SUSD1: variants seen among roughly 807,000 people sequenced by gnomAD.
SUSD1 encodes the protein sushi domain-containing protein 1.
SUSD1 carries 65 observed loss-of-function variants against 86.9 expected under a neutral mutation model. The ratio of observed to expected loss-of-function variants is 0.75; its 90% CI spans 0.61 to 0.92. The LOEUF is 0.92. Among genes scored for constraint, SUSD1 ranks in the 40% least tolerant of loss-of-function variants. SUSD1 has a pLI of 0.00. For synonymous variants in SUSD1, 346 were observed against 350.0 expected, an observed-to-expected ratio of 0.99 and a Z score of 0.13; for missense variants, 850 against 929.7, an observed-to-expected ratio of 0.91 and a Z score of 1.11.
At chr9:112,169,408 T>C (rs1211760623) in intron 1 of SUSD1, 1 of 147,820 alleles carries the variant, frequency 6.8e-6, no homozygotes, top group Non-Finnish European at 1.5e-5. Context: ...AAAAAAAAAA[T>C]CAAAAAACAA....
chr9:112,072,880 G>A (rs1370544157), intron 12 of SUSD1, among the ~76,000 whole-genome samples: 1 of 152,244 alleles, frequency 6.6e-6, no homozygotes, highest in Non-Finnish European at 1.5e-5. Flanking sequence ...CTGCTGACCT[G>A]TGGTACAGCT....
At chr9:112,114,059 C>T (rs1256847806) in intron 6 of SUSD1, among the ~76,000 whole-genome samples, 2 of 152,180 alleles carry the variant, frequency 1.3e-5, no homozygotes, top group African/African-American at 4.8e-5. Flanking sequence ...ACAAGTATTA[C>T]AGCTGAGAAA....
intron 2 of SUSD1, among the ~76,000 whole-genome samples, chr9:112,151,433 C>T (rs531243602): frequency 4.9e-4 from 74 of 150,892 alleles, no homozygotes; most frequent in African/African-American, 1.5e-3. Flanking sequence ...CCCATCTCTA[C>T]TAAAAATACA....
intron 15 of SUSD1, among the ~76,000 whole-genome samples, chr9:112,042,839 G>A: frequency 6.6e-6 from 1 of 152,134 alleles, no homozygotes; most frequent in East Asian, 1.9e-4. Flanking sequence ...TAAGAGGAGT[G>A]CATTTCTATT....
At chr9:112,150,231 C>G (rs554278626) in intron 2 of SUSD1, among the ~76,000 whole-genome samples, 1 of 152,300 alleles carries the variant, frequency 6.6e-6, no homozygotes, top group African/African-American at 2.4e-5. Context: ...GGCAGCAGGT[C>G]GAACTTGGCC....
intron 10 of SUSD1, among the ~76,000 whole-genome samples, chr9:112,084,156 C>G (rs998712202): frequency 6.6e-6 from 1 of 151,970 alleles, no homozygotes; most frequent in Non-Finnish European, 1.5e-5. Flanking sequence ...AAATATGCCT[C>G]TGAGAATCAA....
intron 15 of SUSD1, among the ~76,000 whole-genome samples, chr9:112,050,245 G>C (rs1007251975): frequency 1.3e-5 from 2 of 152,194 alleles, no homozygotes; most frequent in African/African-American, 4.8e-5. Flanking sequence ...TCTGCACACA[G>C]AAACAGGACA....
chr9:112,151,731 G>A (rs1295396595), intron 2 of SUSD1, among the ~76,000 whole-genome samples: 6 of 151,080 alleles, frequency 4.0e-5, no homozygotes, highest in Non-Finnish European at 8.8e-5. Flanking sequence ...GTGAAACCCC[G>A]TCTCTACTAA....
chr9:112,052,149 A>G, intron 15 of SUSD1: 2 of 1,430,748 alleles, frequency 1.4e-6, no homozygotes, highest in Non-Finnish European at 1.8e-6. Context: ...AGAAAGTCCC[A>G]CTCACGGTGT....
rs145621147 is a variant in SUSD1 at position 112,100,974 on chromosome 9, T to C, written c.1281+1202A>G. ...TTGTCAAAGCACTCATTATACCATA[T>C]TGTAGTTGCCTATTTACCTATATAT... On this transcript the variant is annotated intron_variant, in intron 9 of 16. Coordinates refer to ENST00000374270, the MANE Select transcript of SUSD1 (RefSeq NM_022486.5). Among the ~76,000 whole-genome samples the C allele has an allele frequency of 3.9e-5, 6 of 152,180 alleles. No homozygotes were observed. In the East Asian group the frequency reaches 1.2e-3, roughly 29 times the overall value.
chr9:112,119,342 G>A (rs1198169794), intron 6 of SUSD1, among the ~76,000 whole-genome samples: 3 of 152,020 alleles, frequency 2.0e-5, no homozygotes, highest in East Asian at 1.9e-4. Context: ...CATTTATTCC[G>A]GCTGACCTTT....
chr9:112,075,227 G>A (rs1829466004), intron 12 of SUSD1, among the ~76,000 whole-genome samples: 1 of 152,144 alleles, frequency 6.6e-6, no homozygotes, highest in African/African-American at 2.4e-5. Flanking sequence ...CTGGTAGCCA[G>A]AATTCATTGC....
At chr9:112,111,905 G>C (rs1349755444) in intron 7 of SUSD1, 65 bp from the exon 8 acceptor site, 3 of 1,522,676 alleles carry the variant, frequency 2.0e-6, no homozygotes, top group Non-Finnish European at 2.7e-6. Flanking sequence ...GATTTGTGGT[G>C]CTGGAGCCCA....
chr9:112,062,347 A>T (rs952610551), intron 13 of SUSD1, among the ~76,000 whole-genome samples: 2 of 152,186 alleles, frequency 1.3e-5, no homozygotes, highest in African/African-American at 4.8e-5. Flanking sequence ...AAAGGAATGG[A>T]TGTAATTTCT....
Position 112,149,411 on chromosome 9 carries a change from C to G in SUSD1, c.218-12G>C. ...GCACTCATTTTTATCTGTTGACACA[C>G]AGACAAGGCACCGGAAGAGCTATCA... On this transcript the variant is annotated splice_polypyrimidine_tract_variant and intron_variant, in intron 2 of 16. Coordinates refer to ENST00000374270, the MANE Select transcript of SUSD1 (RefSeq NM_022486.5). 1 of 1,612,966 alleles carries G rather than the reference C, an allele frequency of 6.2e-7. No homozygotes were observed. Among genetic ancestry groups the G allele is most frequent in the South Asian group, 1.1e-5 (1 of 90,960 alleles).
intron 5 of SUSD1, among the ~76,000 whole-genome samples, chr9:112,141,788 C>T (rs914828190): frequency 7.2e-6 from 1 of 139,336 alleles, no homozygotes; most frequent in Non-Finnish European, 1.5e-5. Flanking sequence ...TAATATATTA[C>T]ATATATTGTA....
intron 11 of SUSD1, 25 bp from the exon 12 acceptor site, chr9:112,078,749 G>A (rs952967796): frequency 1.2e-6 from 2 of 1,601,516 alleles, no homozygotes; most frequent in East Asian, 2.2e-5. Flanking sequence ...AGCTCACTGG[G>A]TGAATGGTTG....
chr9:112,066,717 C>T (rs775780735), intron 12 of SUSD1, among the ~76,000 whole-genome samples: 1 of 152,104 alleles, frequency 6.6e-6, no homozygotes, highest in African/African-American at 2.4e-5. Flanking sequence ...CTGTGGAGAG[C>T]GGCCCTTCTC....
intron 2 of SUSD1, among the ~76,000 whole-genome samples, chr9:112,152,751 C>CTTTTTTTTTTTTTTTT (rs71382410): frequency 2.3e-5 from 2 of 87,478 alleles, no homozygotes; most frequent in Non-Finnish European, 4.2e-5. Flanking sequence ...TTTTTTTAAT[C>CTTTTTTTTTTTTTTTT]TTTTTTTTTT....
Sources: gnomAD v4.1 joint callset for allele counts (sites outside exome capture counted in the v4.1 genomes callset) on GRCh38, gnomAD v4.1.1 for gene constraint, MANE v1.5 for transcripts, NCBI Gene and HGNC (gene_info 2026-07-23, HGNC 2026-07-21) for gene names.